The following PTPRM variants were observed in gnomAD, a reference collection of about 807,000 sequenced individuals.
PTPRM encodes receptor-type tyrosine-protein phosphatase mu.
PTPRM carries 47 observed loss-of-function variants against 186.7 expected under a neutral mutation model. That is an observed-to-expected ratio of 0.25 (90% CI 0.20 to 0.32). PTPRM has a LOEUF of 0.32. Ranked by LOEUF, PTPRM falls within the 10% of genes least tolerant of loss-of-function variation. The probability of loss-of-function intolerance (pLI) is 1.00; values close to 1 mark genes in which losing one functional copy is unlikely to be tolerated. For missense variants in PTPRM, 1,494 were observed against 1,865.0 expected, an observed-to-expected ratio of 0.80 and a Z score of 3.66; for synonymous variants, 668 against 674.9, an observed-to-expected ratio of 0.99 and a Z score of 0.16.
chr18:8,075,954 A>G (rs988986803), intron 8 of PTPRM, among the ~76,000 whole-genome samples: 3 of 152,156 alleles, frequency 2.0e-5, no homozygotes, highest in African/African-American at 7.2e-5. Flanking sequence ...CTCATTTATT[A>G]TTATTACAAA....
intron 19 of PTPRM, among the ~76,000 whole-genome samples, chr18:8,269,045 A>C (rs554969301): frequency 3.3e-5 from 5 of 152,064 alleles, no homozygotes; most frequent in Non-Finnish European, 7.4e-5. Flanking sequence ...TCAACATAGT[A>C]CTAGAAATCC....
At chr18:7,998,525 C>T (rs1011947497) in intron 7 of PTPRM, among the ~76,000 whole-genome samples, 8 of 152,044 alleles carry the variant, frequency 5.3e-5, no homozygotes, top group African/African-American at 1.4e-4. Context: ...AAAAGTACTG[C>T]GTTTATTCCT....
intron 7 of PTPRM, among the ~76,000 whole-genome samples, chr18:8,014,362 G>GT (rs1448101630): frequency 6.6e-6 from 1 of 151,944 alleles, no homozygotes; most frequent in Non-Finnish European, 1.5e-5. Flanking sequence ...TATTTCAAAG[G>GT]TTTTTTTGTT....
intron 1 of PTPRM, among the ~76,000 whole-genome samples, chr18:7,660,716 G>A (rs1335906949): frequency 6.6e-6 from 1 of 152,178 alleles, no homozygotes; most frequent in East Asian, 1.9e-4. Context: ...GAGCCACAGT[G>A]TGCTGGTTTA....
At chr18:8,186,859 A>T (rs1448873119) in intron 14 of PTPRM, among the ~76,000 whole-genome samples, 1 of 152,138 alleles carries the variant, frequency 6.6e-6, no homozygotes, top group Non-Finnish European at 1.5e-5. Context: ...CAGGTAACAG[A>T]GGAGTGACGT....
intron 2 of PTPRM, among the ~76,000 whole-genome samples, chr18:7,859,862 C>T (rs1021876718): frequency 1.3e-5 from 2 of 152,098 alleles, no homozygotes; most frequent in African/African-American, 2.4e-5. Context: ...CATATACCTC[C>T]CTCCCCTGCC....
intron 3 of PTPRM, among the ~76,000 whole-genome samples, chr18:7,900,426 C>A (rs2049601111): frequency 6.6e-6 from 1 of 152,116 alleles, no homozygotes; most frequent in African/African-American, 2.4e-5. Context: ...TGTAGTTTGC[C>A]AACTCTTGTA....
At chr18:7,902,613 T>C (rs1286871527) in intron 3 of PTPRM, among the ~76,000 whole-genome samples, 2 of 152,216 alleles carry the variant, frequency 1.3e-5, no homozygotes, top group Non-Finnish European at 2.9e-5. Context: ...TCATCATTCA[T>C]GTTTCTTGTT....
intron 7 of PTPRM, among the ~76,000 whole-genome samples, chr18:7,989,046 CTTA>C (rs1015153258): frequency 3.3e-5 from 5 of 152,024 alleles, no homozygotes; most frequent in Non-Finnish European, 5.9e-5. Context: ...GTACATATTG[CTTA>C]TTATTATTAA....
At chr18:7,809,614 C>T (rs1010406320) in intron 2 of PTPRM, among the ~76,000 whole-genome samples, 2 of 152,150 alleles carry the variant, frequency 1.3e-5, no homozygotes, top group East Asian at 3.9e-4. Flanking sequence ...GACCTCTCCT[C>T]CTGGCCTCAG....
At chr18:7,997,569 A>C (rs1192144545) in intron 7 of PTPRM, among the ~76,000 whole-genome samples, 1 of 152,202 alleles carries the variant, frequency 6.6e-6, no homozygotes, top group Non-Finnish European at 1.5e-5. Flanking sequence ...CAAAGGAGAC[A>C]ATCAAGAAAG....
In PTPRM at chr18:8,394,588, A is replaced by G. The variant is rs777589520; in HGVS notation, c.4321A>G (p.Lys1441Glu). The G allele has an allele frequency of 6.2e-7, 1 of 1,612,196 alleles. No homozygotes were observed. The highest frequency in any genetic ancestry group is 1.1e-5 in the South Asian group (1 of 90,608). The part of the protein sequence containing the change: ...FHAVKTLRNN[K>E]PNMVDLLDQY... Reference sequence around the variant, plus strand: ...CGCTGTGAAGACACTGAGGAACAACAAGCCCAACATGGTCGACCTCCTGGT... The same window carrying G: ...CGCTGTGAAGACACTGAGGAACAACGAGCCCAACATGGTCGACCTCCTGGT... Residue 1441 changes from lysine (K) to glutamate (E), a missense_variant, in exon 32 of 33, where the codon AAG (lysine) becomes GAG (glutamate). Around this residue, in one of 3 missense-constraint regions of PTPRM, gnomAD observed 1,107 missense variants for 1,350.2 expected, o/e 0.82. Transcript: ENST00000580170.
chr18:8,150,746 A>T (rs2092987640), intron 14 of PTPRM, among the ~76,000 whole-genome samples: 2 of 152,116 alleles, frequency 1.3e-5, no homozygotes, highest in Non-Finnish European at 2.9e-5. Flanking sequence ...TGGAATTTTC[A>T]GGCTTTTTGC....
intron 6 of PTPRM, among the ~76,000 whole-genome samples, chr18:7,950,545 G>A (rs563571143): frequency 6.6e-6 from 1 of 152,320 alleles, no homozygotes; most frequent in South Asian, 2.1e-4. Flanking sequence ...GGCTTGCCCT[G>A]TATGTGCTGC....
chr18:8,012,587 T>G (rs1298206439), intron 7 of PTPRM, among the ~76,000 whole-genome samples: 2 of 152,288 alleles, frequency 1.3e-5, no homozygotes, highest in African/African-American at 4.8e-5. Flanking sequence ...GGCTACCAAG[T>G]CAATAACATG....
intron 2 of PTPRM, among the ~76,000 whole-genome samples, chr18:7,878,471 T>C (rs1048395550): frequency 3.3e-5 from 5 of 152,204 alleles, no homozygotes; most frequent in Non-Finnish European, 5.9e-5. Flanking sequence ...TTCAGGAATG[T>C]GGGGAGCTGT....
At position 8,161,208 on chromosome 18, in the gene PTPRM, G is replaced by A. The variant is rs570107157; in HGVS notation, c.2300+17429G>A. ...TGCAGGAGTGGTGTTGGCTCCTTGG[G>A]GGACACTTGGGGATGCCTGAGGGTG... On this transcript the variant is annotated intron_variant, in intron 14 of 32. Transcript: ENST00000580170. 1.1e-4 allele frequency among the ~76,000 whole-genome samples: 16 copies of A among 152,292 alleles called. No homozygotes were observed. In the South Asian group the frequency reaches 3.1e-3, roughly 30 times the overall value.
At chr18:7,682,480 A>G (rs140186767) in intron 1 of PTPRM, among the ~76,000 whole-genome samples, 14 of 152,298 alleles carry the variant, frequency 9.2e-5, no homozygotes, top group African/African-American at 3.4e-4. Flanking sequence ...CCTGACTTTT[A>G]TTAGGTTACA....
intron 13 of PTPRM, among the ~76,000 whole-genome samples, chr18:8,130,620 C>T (rs1313225844): frequency 1.3e-5 from 2 of 152,162 alleles, no homozygotes; most frequent in Non-Finnish European, 2.9e-5. Context: ...CTTAATGGTA[C>T]AGATGATAGG....
Sources: allele counts gnomAD v4.1 joint callset (sites outside exome capture counted in the v4.1 genomes callset), GRCh38; gene constraint gnomAD v4.1.1; regional missense constraint gnomAD v4.1.1; transcripts MANE v1.5; gene names NCBI Gene and HGNC (gene_info 2026-07-23, HGNC 2026-07-21).